MORF4L1: variants seen among roughly 807,000 people sequenced by gnomAD.
MORF4L1 encodes mortality factor 4-like protein 1.
In MORF4L1, 4 loss-of-function variants were observed where a neutral mutation model predicts 52.9. That is an observed-to-expected ratio of 0.08 (90% CI 0.04 to 0.17). The LOEUF (loss-of-function observed/expected upper bound fraction) is 0.17, where lower values mean the gene tolerates loss of function less well. Among genes scored for constraint, MORF4L1 ranks in the 10% least tolerant of loss-of-function variants. MORF4L1 has a pLI of 1.00. For synonymous variants in MORF4L1, 123 were observed against 134.8 expected (o/e 0.91, Z 0.61); for missense variants, 214 against 390.4 (o/e 0.55, Z 3.81).
chr15:78,879,104 C>G (rs2056550912), intron 2 of MORF4L1, among the ~76,000 whole-genome samples: 1 of 152,036 alleles, frequency 6.6e-6, no homozygotes, highest in South Asian at 2.1e-4. Context: ...AACGCGGTGG[C>G]ACATGCATGT....
At position 78,872,983 on chromosome 15, in the gene MORF4L1, G is replaced by A. The variant is rs756538101; in HGVS notation, c.-35G>A. 21 of 1,548,610 alleles carry A rather than the reference G, an allele frequency of 1.4e-5. No homozygotes were observed. In the South Asian group the frequency reaches 2.1e-4, roughly 16 times the overall value. ...AGAGTAGGGGGCGGTAGTCGGGGGT[G>A]GTGGGAGAAGGAGGAGGCGGCGAAT... On this transcript the variant is annotated 5_prime_UTR_variant, in exon 1 of 12. Coordinates refer to ENST00000426013, the MANE Select transcript of MORF4L1 (RefSeq NM_006791.4).
At position 78,881,386 on chromosome 15, in the gene MORF4L1, G is replaced by C. The variant is rs113005355; in HGVS notation, c.155+807G>C. On this transcript the variant is annotated intron_variant, in intron 3 of 11. Coordinates refer to ENST00000426013, the MANE Select transcript of MORF4L1 (RefSeq NM_006791.4). ...AATTTTTTGTATTTTTAGTAGAGACGGAGTTTCACCACATTGGCCAGGCTG... is the reference window on the plus strand; with the variant it reads ...AATTTTTTGTATTTTTAGTAGAGACCGAGTTTCACCACATTGGCCAGGCTG... Among the ~76,000 whole-genome samples the C allele has an allele frequency of 2.9e-4, 44 of 151,750 alleles. No homozygotes were observed. In the East Asian group the frequency reaches 7.9e-3, roughly 27 times the overall value.
At position 78,874,601 on chromosome 15, in the gene MORF4L1, T is replaced by C. The variant is rs1409785920; in HGVS notation, c.40+1544T>C. 1.4e-3 allele frequency among the ~76,000 whole-genome samples: 138 copies of C among 99,086 alleles called. 1 individual carries two copies. In the Middle Eastern group the frequency reaches 0.016, roughly 11 times the overall value. The allele number at this position is 99,086 out of a possible 152,430, so 65.0% of individuals were successfully genotyped here. A position where few individuals can be genotyped will look rare whatever the true frequency, so the allele number is the denominator to read the frequency against. On this transcript the variant is annotated intron_variant, in intron 1 of 11. Transcript: ENST00000426013. ...TTTCTTTCTTTTTTTTTTTTTTTTT[T>C]TGTATTTTTGGTAGAGACGGGGTTT... is the stretch of plus-strand genomic sequence containing the variant.
Position 78,897,044 on chromosome 15 carries a change from G to C in MORF4L1, c.949G>C (p.Glu317Gln). The C allele has an allele frequency of 1.9e-6, 3 of 1,612,306 alleles. No individual in the cohort carries two copies. The highest frequency in any genetic ancestry group is 2.5e-6 in the Non-Finnish European group (3 of 1,179,568). ...CAGCGATTATGAAGTGGCTCCTCCT[G>C]AGTACCATCGGAAAGCTGTGTGAGA... is the stretch of plus-strand genomic sequence containing the variant. ...SASDYEVAPP[E>Q]YHRKAV is the part of the protein sequence containing the mutation. Residue 317 changes from glutamate (E) to glutamine (Q), a missense_variant, in exon 12 of 12, where the codon GAG (glutamate) becomes CAG (glutamine). Physicochemically the swap from Glu to Gln is conservative, Grantham distance 29. This residue lies in a region of MORF4L1 where 30 missense variants were observed against 34.6 expected (regional missense o/e 0.87). Coordinates refer to ENST00000426013, the MANE Select transcript of MORF4L1 (RefSeq NM_006791.4).
chr15:78,893,873 GA>G (rs2141485079), intron 9 of MORF4L1, among the ~76,000 whole-genome samples, 184 bp from the exon 10 acceptor site: 1 of 152,254 alleles, frequency 6.6e-6, no homozygotes, highest in South Asian at 2.1e-4. Context: ...TTAACCATCT[GA>G]AAATGTAAGA....
In MORF4L1 at chr15:78,895,248, A is replaced by G. The variant is rs554231917; in HGVS notation, c.887+344A>G. Among the ~76,000 whole-genome samples the G allele has an allele frequency of 2.8e-4, 43 of 152,332 alleles. No homozygotes were observed. The South Asian group carries it at 5.2e-3, about 18-fold the overall frequency. ...TTAAGATAATGAAAGGAGAAATGTAATATTTTCATAGTTCTATAGTGTTCC... is the reference window on the plus strand; with the variant it reads ...TTAAGATAATGAAAGGAGAAATGTAGTATTTTCATAGTTCTATAGTGTTCC... On this transcript the variant is annotated intron_variant, in intron 11 of 11. Transcript: ENST00000426013.
intron 3 of MORF4L1, among the ~76,000 whole-genome samples, chr15:78,883,632 A>G (rs555160027): frequency 6.6e-6 from 1 of 152,370 alleles, no homozygotes; most frequent in African/African-American, 2.4e-5. Flanking sequence ...AAGTTAAGAA[A>G]AAATAGCATC....
Position 78,872,935 on chromosome 15 carries a change from T to C in MORF4L1, c.-83T>C, listed in dbSNP as rs904898470. On this transcript the variant is annotated 5_prime_UTR_variant, in exon 1 of 12. Transcript: ENST00000426013. ...AGCTGGCAGTGCCTGACGGCGCGTC[T>C]GACGCGGAGTTGGGTGGGGTAGAGA... 1.4e-5 allele frequency: 21 copies of C among 1,496,466 alleles called. No homozygotes were observed. Among genetic ancestry groups the C allele is most frequent in the Admixed American group, 2.5e-5 (1 of 39,258 alleles). The allele number at this position is 1,496,466 out of a possible 1,614,324, so 92.7% of individuals were successfully genotyped here. A position where few individuals can be genotyped will look rare whatever the true frequency, so the allele number is the denominator to read the frequency against.
chr15:78,877,416 C>T (rs566691050), intron 1 of MORF4L1, among the ~76,000 whole-genome samples: 41 of 152,120 alleles, frequency 2.7e-4, no homozygotes, highest in Admixed American at 6.5e-4. Flanking sequence ...CACCTCGCCC[C>T]GCCTGCTCTT....
intron 1 of MORF4L1, among the ~76,000 whole-genome samples, chr15:78,877,537 C>T (rs765877969): frequency 3.0e-4 from 46 of 152,210 alleles, no homozygotes; most frequent in Non-Finnish European, 4.4e-4. Flanking sequence ...TCAAGCTACA[C>T]TCAAATGTAA....
intron 1 of MORF4L1, among the ~76,000 whole-genome samples, chr15:78,874,194 G>A (rs2056433102): frequency 6.6e-6 from 1 of 152,202 alleles, no homozygotes; most frequent in South Asian, 2.1e-4. Context: ...CCTTTTCATT[G>A]CTATGGAAAT....
At chr15:78,894,973 T>G in intron 11 of MORF4L1, 69 bp downstream of exon 11, 1 of 1,253,898 alleles carries the variant, frequency 8.0e-7, no homozygotes, top group African/African-American at 1.5e-5. Context: ...ATTGGCAGTA[T>G]AGATGCTAAA....
chr15:78,880,166 T>C (rs569882802), intron 2 of MORF4L1, among the ~76,000 whole-genome samples: 108 of 152,366 alleles, frequency 7.1e-4, no homozygotes, highest in Admixed American at 1.5e-3. Flanking sequence ...TAATATAGTT[T>C]AAAGACTTTG....
At chr15:78,873,103 T>C (rs948903732) in intron 1 of MORF4L1, 46 bp downstream of exon 1, 2 of 1,545,580 alleles carry the variant, frequency 1.3e-6, no homozygotes. Context: ...GCGCAGGAGA[T>C]AGAGGCGGGC....
At chr15:78,891,291 G>T (rs534872080) in intron 6 of MORF4L1, 193 bp from the exon 7 acceptor site, 1 of 650,702 alleles carries the variant, frequency 1.5e-6, no homozygotes, top group Non-Finnish European at 2.7e-6. Context: ...ACTAAATGTT[G>T]TCTATACTAA....
chr15:78,891,894 C>T (rs111982967), intron 7 of MORF4L1, among the ~76,000 whole-genome samples: 2 of 152,174 alleles, frequency 1.3e-5, no homozygotes, highest in African/African-American at 4.8e-5. Flanking sequence ...TTTTGATATC[C>T]ATGGTAAATA....
At chr15:78,894,737 G>A in intron 10 of MORF4L1, 83 bp from the exon 11 acceptor site, 2 of 1,025,936 alleles carry the variant, frequency 1.9e-6, no homozygotes, top group Non-Finnish European at 3.1e-6. Context: ...GGAATTGGTG[G>A]TGTTTGCTCA....
At chr15:78,878,185 C>A in intron 1 of MORF4L1, 28 bp from the exon 2 acceptor site, 1 of 1,597,936 alleles carries the variant, frequency 6.3e-7, no homozygotes. Context: ...GAAGAAATTA[C>A]AATTCAGTAC....
intron 11 of MORF4L1, among the ~76,000 whole-genome samples, chr15:78,895,985 T>C (rs1290908902): frequency 6.6e-6 from 1 of 151,954 alleles, no homozygotes; most frequent in East Asian, 1.9e-4. Flanking sequence ...AAAAAAAAAG[T>C]TTATTCATTT....
Sources: gnomAD v4.1 joint callset for allele counts (sites outside exome capture counted in the v4.1 genomes callset) on GRCh38, gnomAD v4.1.1 for gene constraint, gnomAD v4.1.1 regional missense constraint, MANE v1.5 for transcripts, NCBI Gene and HGNC (gene_info 2026-07-23, HGNC 2026-07-21) for gene names.